SNTG1: variants seen among roughly 807,000 people sequenced by gnomAD.
SNTG1 encodes the protein gamma-1-syntrophin.
In SNTG1, 39 loss-of-function variants were observed where a neutral mutation model predicts 74.7. The observed-to-expected ratio is 0.52, with a 90% confidence interval of 0.40 to 0.68. The LOEUF (loss-of-function observed/expected upper bound fraction) is 0.68. SNTG1 is among the 30% of genes least tolerant of loss of function. SNTG1 has a pLI of 0.00. For synonymous variants in SNTG1, 254 were observed against 217.1 expected, an observed-to-expected ratio of 1.17 and a Z score of -1.49; for missense variants, 685 against 609.5, an observed-to-expected ratio of 1.12 and a Z score of -1.30.
intron 1 of SNTG1, among the ~76,000 whole-genome samples, chr8:49,940,894 T>C (rs1808626517): frequency 6.6e-6 from 1 of 152,196 alleles, no homozygotes; most frequent in African/African-American, 2.4e-5. Flanking sequence ...ATGACTGCTC[T>C]GAGGAAATGA....
At chr8:50,025,291 C>A (rs1817172012) in intron 1 of SNTG1, among the ~76,000 whole-genome samples, 2 of 152,138 alleles carry the variant, frequency 1.3e-5, no homozygotes, top group African/African-American at 4.8e-5. Flanking sequence ...AACCCACTTT[C>A]TCATTAATCT....
chr8:50,352,195 G>A (rs2091681506), intron 2 of SNTG1, among the ~76,000 whole-genome samples: 1 of 152,136 alleles, frequency 6.6e-6, no homozygotes, highest in Non-Finnish European at 1.5e-5. Context: ...GAAATTAACT[G>A]TTAAGGGTAA....
rs141914480 is a variant in SNTG1 at position 50,027,630 on chromosome 8, G to A, written c.-103+115399G>A. Among the ~76,000 whole-genome samples, 9 of 152,240 alleles carry A rather than the reference G, an allele frequency of 5.9e-5. No individual in the cohort carries two copies. In the East Asian group the frequency reaches 7.7e-4, roughly 13 times the overall value. On this transcript the variant is annotated intron_variant, in intron 1 of 18. Coordinates refer to ENST00000642720, the MANE Select transcript of SNTG1 (RefSeq NM_018967.5). The stretch of plus-strand genomic sequence containing the variant: ...TAGAAAAGGCAAGGGGGCATTCTTC[G>A]TTAGGAGAGCATAGGCCTGCTGATG...
chr8:50,227,566 C>A (rs1432113391), intron 2 of SNTG1, among the ~76,000 whole-genome samples: 1 of 151,972 alleles, frequency 6.6e-6, no homozygotes, highest in Non-Finnish European at 1.5e-5. Context: ...CACACAGAGG[C>A]CCATTTGGAA....
intron 16 of SNTG1, 93 bp from the exon 17 acceptor site, chr8:50,708,793 A>G (rs2095452854): frequency 2.8e-6 from 2 of 713,704 alleles, no homozygotes; most frequent in Non-Finnish European, 4.9e-6. Context: ...TAGATATTGT[A>G]TGAAGTACTT....
rs2088246097 is a variant in SNTG1 at position 50,278,525 on chromosome 8, C to T, written c.-28+105890C>T. ...CAAGGACTCTTTATGACATACAAAA[C>T]TTTGCATATGGATTCATAGTTAAAT... On this transcript the variant is annotated intron_variant, in intron 2 of 18. Transcript: ENST00000642720. Among the ~76,000 whole-genome samples the T allele has an allele frequency of 2.6e-5, 4 of 152,098 alleles. No individual in the cohort carries two copies. The South Asian group carries it at 8.3e-4, about 32-fold the overall frequency.
intron 13 of SNTG1, among the ~76,000 whole-genome samples, chr8:50,618,253 G>A (rs1162633211): frequency 6.6e-6 from 1 of 152,072 alleles, no homozygotes; most frequent in Non-Finnish European, 1.5e-5. Flanking sequence ...ACCTGTAACT[G>A]TTCCTTTGTT....
chr8:50,239,624 C>T (rs1335841311), intron 2 of SNTG1, among the ~76,000 whole-genome samples: 1 of 152,140 alleles, frequency 6.6e-6, no homozygotes, highest in Non-Finnish European at 1.5e-5. Flanking sequence ...TCTGATTTCC[C>T]TGCTCCACTT....
intron 11 of SNTG1, 97 bp downstream of exon 11, chr8:50,536,905 G>GT (rs2094312391): frequency 7.1e-7 from 1 of 1,402,716 alleles, no homozygotes; most frequent in African/African-American, 1.4e-5. Context: ...TATGATTTTA[G>GT]TATGTTTTTG....
chr8:49,937,338 G>A (rs889582628), intron 1 of SNTG1, among the ~76,000 whole-genome samples: 3 of 152,210 alleles, frequency 2.0e-5, no homozygotes, highest in Non-Finnish European at 4.4e-5. Flanking sequence ...CAGGAGAAAG[G>A]GATGACATAG....
intron 2 of SNTG1, among the ~76,000 whole-genome samples, chr8:50,350,513 T>C (rs1236591359): frequency 6.6e-6 from 1 of 151,260 alleles, no homozygotes; most frequent in Non-Finnish European, 1.5e-5. Context: ...TCAGGGTTTG[T>C]GAATGCACCA....
intron 9 of SNTG1, among the ~76,000 whole-genome samples, chr8:50,507,820 G>C (rs1022833556): frequency 1.3e-5 from 2 of 151,468 alleles, no homozygotes; most frequent in Non-Finnish European, 2.9e-5. Flanking sequence ...ATCTCCTAAT[G>C]TTATCCCTTC....
At chr8:50,659,891 G>A (rs1003455732) in intron 15 of SNTG1, among the ~76,000 whole-genome samples, 1 of 152,172 alleles carries the variant, frequency 6.6e-6, no homozygotes, top group East Asian at 1.9e-4. Context: ...TTAGGCTGGA[G>A]TGCAGTGGTG....
At chr8:49,960,166 A>G (rs1162749799) in intron 1 of SNTG1, among the ~76,000 whole-genome samples, 6 of 152,206 alleles carry the variant, frequency 3.9e-5, no homozygotes, top group Non-Finnish European at 8.8e-5. Flanking sequence ...TGGTTTCCAA[A>G]CAGACCTATA....
chr8:50,379,104 C>T (rs2092438294), intron 2 of SNTG1, among the ~76,000 whole-genome samples: 1 of 152,154 alleles, frequency 6.6e-6, no homozygotes, highest in African/African-American at 2.4e-5. Context: ...TGCCCTCAAC[C>T]CCACCTCAGC....
chr8:49,950,796 A>T (rs1031892258), intron 1 of SNTG1, among the ~76,000 whole-genome samples: 1 of 152,212 alleles, frequency 6.6e-6, no homozygotes, highest in Non-Finnish European at 1.5e-5. Flanking sequence ...CTACCTTCAC[A>T]TCTGCTAAAT....
At chr8:50,533,328 C>T (rs2094284014) in intron 10 of SNTG1, among the ~76,000 whole-genome samples, 1 of 152,144 alleles carries the variant, frequency 6.6e-6, no homozygotes, top group Non-Finnish European at 1.5e-5. Context: ...TAGCAGTTTG[C>T]CCTTTGTGCA....
intron 1 of SNTG1, among the ~76,000 whole-genome samples, chr8:50,122,125 T>TAC (rs1423382182): frequency 7.1e-6 from 1 of 140,378 alleles, no homozygotes; most frequent in Non-Finnish European, 1.6e-5. Context: ...GCCATACAGA[T>TAC]ACACACACAC....
At chr8:50,420,629 C>T (rs537912372) in intron 4 of SNTG1, among the ~76,000 whole-genome samples, 4 of 151,876 alleles carry the variant, frequency 2.6e-5, no homozygotes, top group African/African-American at 9.7e-5. Flanking sequence ...TTTCCTTTTC[C>T]CCTTAAGTTT....
Sources: allele counts gnomAD v4.1 joint callset (sites outside exome capture counted in the v4.1 genomes callset), GRCh38; gene constraint gnomAD v4.1.1; transcripts MANE v1.5; gene names NCBI Gene and HGNC (gene_info 2026-07-23, HGNC 2026-07-21).